The following LPP variants were observed in gnomAD, a reference collection of about 807,000 sequenced individuals.
LPP encodes the protein LIM domain containing preferred translocation partner in lipoma, also known as lipoma-preferred partner.
In LPP, 38 loss-of-function variants were observed where a neutral mutation model predicts 60.4. The observed-to-expected ratio is 0.63, with a 90% CI of 0.49 to 0.83. LPP has a LOEUF of 0.83. Ranked by LOEUF, LPP falls within the 40% of genes least tolerant of loss-of-function variation. LPP has a pLI of 0.00. For synonymous variants in LPP, 328 were observed against 290.8 expected (o/e 1.13, Z -1.30); for missense variants, 902 against 783.6 (o/e 1.15, Z -1.80).
At chr3:188,866,700 A>G (rs577211390) in intron 10 of LPP, among the ~76,000 whole-genome samples, 1 of 152,242 alleles carries the variant, frequency 6.6e-6, no homozygotes, top group South Asian at 2.1e-4. Context: ...CTAAATATGA[A>G]CAAAATTTGT....
At chr3:188,699,312 T>G (rs1240068050) in intron 7 of LPP, among the ~76,000 whole-genome samples, 5 of 152,136 alleles carry the variant, frequency 3.3e-5, no homozygotes, top group Non-Finnish European at 1.5e-5. Context: ...GATAAAACCC[T>G]TGTGTGCAGA....
chr3:188,847,514 G>A (rs1212688636), intron 9 of LPP, among the ~76,000 whole-genome samples: 1 of 152,132 alleles, frequency 6.6e-6, no homozygotes, highest in Non-Finnish European at 1.5e-5. Context: ...GGCTTTTTGT[G>A]GTTCAAGACT....
chr3:188,274,750 A>AGT (rs1222733403), intron 2 of LPP, among the ~76,000 whole-genome samples: 2 of 152,248 alleles, frequency 1.3e-5, no homozygotes, highest in Non-Finnish European at 2.9e-5. Context: ...CACACAAAGA[A>AGT]GTGCCAGTCT....
chr3:188,631,502 C>T (rs1444808775), intron 7 of LPP, among the ~76,000 whole-genome samples: 1 of 152,216 alleles, frequency 6.6e-6, no homozygotes, highest in Non-Finnish European at 1.5e-5. Flanking sequence ...CAGTGCATTA[C>T]TAAGCACATT....
At chr3:188,613,066 G>A (rs1844041358) in intron 7 of LPP, among the ~76,000 whole-genome samples, 1 of 152,054 alleles carries the variant, frequency 6.6e-6, no homozygotes, top group African/African-American at 2.4e-5. Flanking sequence ...TATACCATCT[G>A]AGCAGAGTTC....
At chr3:188,523,914 C>A (rs1819717849) in intron 5 of LPP, among the ~76,000 whole-genome samples, 1 of 64,168 alleles carries the variant, frequency 1.6e-5, no homozygotes, top group Non-Finnish European at 3.5e-5. Context: ...CAGACAGATT[C>A]TTTGCTTCTT....
At chr3:188,207,452 G>A (rs1560110958) in intron 1 of LPP, among the ~76,000 whole-genome samples, 2 of 151,668 alleles carry the variant, frequency 1.3e-5, no homozygotes, top group African/African-American at 2.4e-5. Flanking sequence ...TGCTGGTCTT[G>A]AACTCCTGAC....
At chr3:188,726,850 CAAAAG>C (rs1485633191) in intron 8 of LPP, among the ~76,000 whole-genome samples, 1 of 152,054 alleles carries the variant, frequency 6.6e-6, no homozygotes, top group African/African-American at 2.4e-5. Context: ...CCAGGAAAAA[CAAAAG>C]AAAACAGCAG....
chr3:188,718,988 T>C (rs1246072749), intron 8 of LPP, among the ~76,000 whole-genome samples: 2 of 152,162 alleles, frequency 1.3e-5, no homozygotes, highest in Non-Finnish European at 2.9e-5. Context: ...TCATTCCTTT[T>C]TTTAATTCAC....
chr3:188,806,221 A>G (rs1184940698), intron 9 of LPP, among the ~76,000 whole-genome samples: 2 of 151,714 alleles, frequency 1.3e-5, no homozygotes, highest in African/African-American at 4.8e-5. Flanking sequence ...TTTCACTTGT[A>G]TGGTTTTTGT....
intron 6 of LPP, among the ~76,000 whole-genome samples, chr3:188,540,028 A>G (rs1317250085): frequency 1.3e-5 from 2 of 152,188 alleles, no homozygotes; most frequent in Admixed American, 6.5e-5. Flanking sequence ...ATGACTTTGC[A>G]CAATTTGCTG....
At chr3:188,604,633 T>C (rs1179523587) in intron 6 of LPP, among the ~76,000 whole-genome samples, 1 of 152,188 alleles carries the variant, frequency 6.6e-6, no homozygotes, top group East Asian at 1.9e-4. Context: ...GAAAATAAGA[T>C]AGTTCATATT....
chr3:188,368,938 A>C (rs567065832), intron 3 of LPP, among the ~76,000 whole-genome samples: 4 of 152,274 alleles, frequency 2.6e-5, no homozygotes, highest in Admixed American at 2.0e-4. Context: ...GCCACATTTT[A>C]TCTCTCTGTC....
chr3:188,314,274 C>T (rs2150309627), intron 2 of LPP, among the ~76,000 whole-genome samples: 1 of 151,928 alleles, frequency 6.6e-6, no homozygotes, highest in South Asian at 2.1e-4. Context: ...AGTATCCACA[C>T]TTATTTTGAT....
In LPP at chr3:188,427,762, C is replaced by G. The variant is rs926156540; in HGVS notation, c.193+21449C>G. Among the ~76,000 whole-genome samples the G allele has an allele frequency of 5.9e-5, 9 of 152,134 alleles. No homozygotes were observed. In the South Asian group the frequency reaches 1.5e-3, roughly 25 times the overall value. The stretch of plus-strand genomic sequence containing the variant: ...TCAGTAATGGTGGACGCCCCTCCCC[C>G]CACCAAGCTGGAGCATCCCAGGTCA... On this transcript the variant is annotated intron_variant, in intron 4 of 11. Coordinates refer to ENST00000617246, the MANE Select transcript of LPP (RefSeq NM_001375462.1).
rs183254164 is a variant in LPP, at chr3:188,397,001, T to C, written c.-9-9111T>C. On this transcript the variant is annotated intron_variant, in intron 3 of 11. Transcript: ENST00000617246. ...ACTTTGCCACGTGGAACAATTGTTA[T>C]CAAATGTGACCTGGAATGCAAGGTT... 1.5e-4 allele frequency among the ~76,000 whole-genome samples: 23 copies of C among 152,372 alleles called. No individual in the cohort carries two copies. The East Asian group carries it at 4.4e-3, about 29-fold the overall frequency.
rs756633064 is a variant in LPP, at chr3:188,609,612, G to A, written c.881G>A (p.Gly294Glu). The A allele has an allele frequency of 1.2e-6, 2 of 1,614,178 alleles. No individual in the cohort carries two copies. Among genetic ancestry groups the A allele is most frequent in the South Asian group, 2.2e-5 (2 of 91,080 alleles). ...EPGYGYAPNQ[G>E]RYYEGYYAAG... is the part of the protein sequence containing the mutation. ...GGGTATGGGTATGCCCCCAACCAGG[G>A]ACGCTATTATGAAGGCTACTATGCA... Residue 294 changes from glycine (G) to glutamate (E), a missense_variant, in exon 7 of 12, where the codon GGA becomes GAA. Physicochemically the swap from Gly to Glu is moderately conservative, Grantham distance 98 (BLOSUM62 -2). Transcript: ENST00000617246. The surrounding 1 kb of genome is among the most constrained non-coding windows in gnomAD (Gnocchi z 6.9).
intron 6 of LPP, among the ~76,000 whole-genome samples, chr3:188,575,673 GGC>G (rs1437990525): frequency 6.6e-6 from 1 of 152,008 alleles, no homozygotes; most frequent in Non-Finnish European, 1.5e-5. Flanking sequence ...TTTTATCTGT[GGC>G]AAGAACACGG....
chr3:188,760,486 C>T (rs572131724), intron 9 of LPP, among the ~76,000 whole-genome samples: 2 of 151,252 alleles, frequency 1.3e-5, no homozygotes, highest in Admixed American at 1.3e-4. Context: ...ACACATCCCC[C>T]ATTCATAAGC....
Sources: gnomAD v4.1 joint callset for allele counts (sites outside exome capture counted in the v4.1 genomes callset) on GRCh38, gnomAD v4.1.1 for gene constraint, Gnocchi (gnomAD v3.1) non-coding constraint, MANE v1.5 for transcripts, NCBI Gene and HGNC (gene_info 2026-07-23, HGNC 2026-07-21) for gene names.